Variants in DNER observed in about 807,000 individuals in gnomAD.
DNER encodes delta/notch like EGF repeat containing.
Under a neutral mutation model 78.2 loss-of-function variants are expected in DNER, and 33 were observed. The observed-to-expected ratio is 0.42, with a 90% CI of 0.32 to 0.56. The LOEUF (loss-of-function observed/expected upper bound fraction) is 0.56. Among genes scored for constraint, DNER ranks in the 20% least tolerant of loss-of-function variants. The pLI is 0.11. For synonymous variants in DNER, 417 were observed against 384.8 expected (o/e 1.08, Z -0.98); for missense variants, 918 against 975.3 (o/e 0.94, Z 0.78).
intron 8 of DNER, among the ~76,000 whole-genome samples, chr2:229,445,565 A>G (rs1694323297): frequency 6.6e-6 from 1 of 152,234 alleles, no homozygotes; most frequent in Admixed American, 6.5e-5. Flanking sequence ...TGAATGAAGC[A>G]GATGACTCTC....
At chr2:229,686,848 T>A (rs893843777) in intron 1 of DNER, among the ~76,000 whole-genome samples, 4 of 152,236 alleles carry the variant, frequency 2.6e-5, no homozygotes, top group Admixed American at 2.6e-4. Flanking sequence ...AAGAGGAGTC[T>A]TTTGTGGACT....
rs1384243328 is a variant in DNER at position 229,706,060 on chromosome 2, C to T, written c.276+8088G>A. Among the ~76,000 whole-genome samples, 9 of 152,158 alleles carry T rather than the reference C, an allele frequency of 5.9e-5. 1 individual carries two copies. In the South Asian group the frequency reaches 1.5e-3, roughly 25 times the overall value. ...AATGACTGTACTCTTTCTGTCAGTC[C>T]CAGGGCCCTACCTGGAGCCTAGGTA... On this transcript the variant is annotated intron_variant, in intron 1 of 12. Coordinates refer to ENST00000341772, the MANE Select transcript of DNER (RefSeq NM_139072.4).
intron 5 of DNER, among the ~76,000 whole-genome samples, chr2:229,513,164 C>T (rs574825159): frequency 6.6e-6 from 1 of 152,334 alleles, no homozygotes; most frequent in Admixed American, 6.5e-5. Context: ...TTATCCCCGT[C>T]ATTTTCGATC....
chr2:229,671,639 T>A (rs1452157395), intron 1 of DNER, among the ~76,000 whole-genome samples: 1 of 152,192 alleles, frequency 6.6e-6, no homozygotes, highest in African/African-American at 2.4e-5. Context: ...GCTCCATAAA[T>A]ATGGGCTGAA....
chr2:229,460,705 C>A (rs535964375), intron 7 of DNER, among the ~76,000 whole-genome samples: 1 of 151,988 alleles, frequency 6.6e-6, no homozygotes, highest in Non-Finnish European at 1.5e-5. Flanking sequence ...GGAGACCAGA[C>A]GTTGGTTGAT....
intron 8 of DNER, among the ~76,000 whole-genome samples, chr2:229,434,505 T>A (rs968244580): frequency 6.6e-6 from 1 of 152,174 alleles, no homozygotes; most frequent in Non-Finnish European, 1.5e-5. Flanking sequence ...AAAATGTAAA[T>A]AAATCAGAAA....
At chr2:229,489,466 A>G (rs1695347667) in intron 6 of DNER, among the ~76,000 whole-genome samples, 1 of 149,580 alleles carries the variant, frequency 6.7e-6, no homozygotes, top group Non-Finnish European at 1.5e-5. Context: ...AAGGAGGCAG[A>G]GAGAGGCCGG....
chr2:229,513,657 T>C lies in DNER; in HGVS notation c.994-721A>G, dbSNP rs895338791. Among the ~76,000 whole-genome samples, 11 of 152,192 alleles carry C rather than the reference T, an allele frequency of 7.2e-5. No homozygotes were observed. The Middle Eastern group carries it at 0.01, about 141-fold the overall frequency. On this transcript the variant is annotated intron_variant, in intron 5 of 12. Transcript: ENST00000341772. The stretch of plus-strand genomic sequence containing the variant: ...CCTAGGGGTACGGGCATGTCTGAAA[T>C]AAACCACAAATCTGTCCCCAAAGCC...
chr2:229,505,177 A>AGTGTGTGTGGGTGTGTGT, intron 6 of DNER, among the ~76,000 whole-genome samples: 1 of 126,448 alleles, frequency 7.9e-6, no homozygotes, highest in South Asian at 3.1e-4. Context: ...GTGTTGCTGC[A>AGTGTGTGTGGGTGTGTGT]GTGTGTGTGT....
At chr2:229,705,146 AAAG>A (rs1424391278) in intron 1 of DNER, among the ~76,000 whole-genome samples, 2 of 152,108 alleles carry the variant, frequency 1.3e-5, no homozygotes, top group Admixed American at 6.5e-5. Context: ...GTCTCATGGA[AAAG>A]AAGGACTAGA....
At chr2:229,585,132 GC>G (rs1240221916) in intron 4 of DNER, among the ~76,000 whole-genome samples, 1 of 152,104 alleles carries the variant, frequency 6.6e-6, no homozygotes, top group Non-Finnish European at 1.5e-5. Flanking sequence ...GTGTTTGAAC[GC>G]CCTAAGTCAG....
At chr2:229,668,317 G>A (rs954761747) in intron 1 of DNER, among the ~76,000 whole-genome samples, 3 of 151,236 alleles carry the variant, frequency 2.0e-5, no homozygotes, top group Admixed American at 6.6e-5. Flanking sequence ...TCAAAGGAAC[G>A]ATTATTGTCA....
At chr2:229,483,510 G>A (rs1412946644) in intron 6 of DNER, among the ~76,000 whole-genome samples, 1 of 152,172 alleles carries the variant, frequency 6.6e-6, no homozygotes, top group Non-Finnish European at 1.5e-5. Flanking sequence ...CTGAGTAATT[G>A]GTTTTTGATT....
intron 1 of DNER, among the ~76,000 whole-genome samples, chr2:229,710,607 C>G (rs1377424144): frequency 6.6e-6 from 1 of 152,104 alleles, no homozygotes; most frequent in African/African-American, 2.4e-5. Context: ...CATTACATAT[C>G]TACAAATTAG....
At chr2:229,429,575 G>A (rs1193083905) in intron 8 of DNER, among the ~76,000 whole-genome samples, 8 of 152,136 alleles carry the variant, frequency 5.3e-5, no homozygotes, top group Non-Finnish European at 7.4e-5. Context: ...CCTGGGTGCC[G>A]TACTTCTGAA....
intron 4 of DNER, among the ~76,000 whole-genome samples, chr2:229,555,373 C>T (rs1009202331): frequency 1.3e-5 from 2 of 152,118 alleles, no homozygotes; most frequent in Non-Finnish European, 2.9e-5. Context: ...TCTTGCTCAC[C>T]CCAACTCTGT....
At chr2:229,459,452 G>C (rs1043097612) in intron 7 of DNER, among the ~76,000 whole-genome samples, 1 of 152,062 alleles carries the variant, frequency 6.6e-6, no homozygotes, top group East Asian at 1.9e-4. Flanking sequence ...ATTTTATTGA[G>C]TTCTTACTAC....
Position 229,714,448 on chromosome 2 carries a change from C to A in DNER, c.-25G>T. 2.7e-6 allele frequency: 3 copies of A among 1,116,690 alleles called. No individual in the cohort carries two copies. The highest frequency in any genetic ancestry group is 3.3e-6 in the Non-Finnish European group (3 of 917,236). 69.2% of individuals were successfully genotyped at this position (1,116,690 alleles called of 1,614,324 possible). ...TGGCCGGCCGGGAGGGCGCGGGAGC[C>A]GGAGCCAGGACGCAGTGACGGCGGC... On this transcript the variant is annotated 5_prime_UTR_variant, in exon 1 of 13. Transcript: ENST00000341772.
chr2:229,469,868 C>G (rs187542156), intron 7 of DNER, among the ~76,000 whole-genome samples: 5 of 152,150 alleles, frequency 3.3e-5, no homozygotes, highest in Non-Finnish European at 5.9e-5. Flanking sequence ...GCTTGAACCC[C>G]GGGAGGCAGA....
Sources: gnomAD v4.1 joint callset for allele counts (sites outside exome capture counted in the v4.1 genomes callset) on GRCh38, gnomAD v4.1.1 for gene constraint, MANE v1.5 for transcripts, NCBI Gene and HGNC (gene_info 2026-07-23, HGNC 2026-07-21) for gene names.